Variants in MEGF10 observed in about 807,000 individuals in gnomAD.
MEGF10 encodes multiple EGF like domains 10.
Under a neutral mutation model 147.5 loss-of-function variants are expected in MEGF10, and 86 were observed. That is an observed-to-expected ratio of 0.58 (90% CI 0.49 to 0.70). The LOEUF is 0.70. Among genes scored for constraint, MEGF10 ranks in the 30% least tolerant of loss-of-function variants. The pLI is 0.00. For missense variants in MEGF10, 1,329 were observed against 1,487.3 expected, an observed-to-expected ratio of 0.89 and a Z score of 1.75; for synonymous variants, 478 against 525.5, an observed-to-expected ratio of 0.91 and a Z score of 1.24.
chr5:127,336,727 C>A (rs1053935432), intron 2 of MEGF10, among the ~76,000 whole-genome samples: 4 of 152,120 alleles, frequency 2.6e-5, no homozygotes, highest in African/African-American at 9.7e-5. Context: ...CTAGTTCCAA[C>A]AAATGAATTT....
the MEGF10 span, among the ~76,000 whole-genome samples, chr5:127,247,419 GAAGAAGAAGAAGAAGAA>G: frequency 1.2e-5 from 1 of 80,680 alleles, no homozygotes; most frequent in Non-Finnish European, 2.4e-5. Context: ...AGAAGAAGAA[GAAGAAGAAGAAGAAGAA>G]GAAGAAGAAG....
chr5:127,344,619 T>G (rs1434467834), intron 4 of MEGF10, among the ~76,000 whole-genome samples: 1 of 152,108 alleles, frequency 6.6e-6, no homozygotes, highest in Non-Finnish European at 1.5e-5. Context: ...ACTTCAAATA[T>G]TTAAATAAAA....
intron 7 of MEGF10, among the ~76,000 whole-genome samples, chr5:127,401,752 T>C (rs12233927): frequency 0.23 from 34,686 of 152,112 alleles, 4,522 homozygotes; most frequent in African/African-American, 0.37. Context: ...GAGTATTTCA[T>C]TGACTTATTG....
chr5:127,275,943 T>C, the MEGF10 span, among the ~76,000 whole-genome samples: 2 of 152,224 alleles, frequency 1.3e-5, no homozygotes. Context: ...TAGAATTCAC[T>C]TCCTATGACA....
chr5:127,357,698 G>C lies in MEGF10; in HGVS notation c.320-12212G>C, dbSNP rs556981632. On this transcript the variant is annotated intron_variant, in intron 4 of 24. Coordinates refer to ENST00000503335, the MANE Select transcript of MEGF10 (RefSeq NM_001256545.2). The stretch of plus-strand genomic sequence containing the variant: ...AGAACTTAAAATCCCTTTATTCTGT[G>C]TTCTTTTAGGACCATCACTTAGCAG... Among the ~76,000 whole-genome samples, 70 of 152,002 alleles carry C rather than the reference G, an allele frequency of 4.6e-4. 2 individuals are homozygous for C. Among genetic ancestry groups the C allele is most frequent in the South Asian group, 3.7e-3 (18 of 4,808 alleles).
chr5:127,339,143 C>T lies in MEGF10; in HGVS notation c.140C>T (p.Ser47Leu). 6.2e-7 allele frequency: 1 copy of T among 1,611,722 alleles called. No individual in the cohort carries two copies. Among genetic ancestry groups the T allele is most frequent in the Non-Finnish European group, 8.5e-7 (1 of 1,178,222 alleles). The change falls in exon 3 of 25, where the codon TCA (serine) becomes TTA (leucine). Residue 47 changes from serine (S) to leucine (L), a missense_variant. Around this residue, in one of 3 missense-constraint regions of MEGF10, gnomAD observed 980 missense variants for 1,085.9 expected, o/e 0.90. Transcript: ENST00000503335. ...WESYSVTVQE[S>L]YPHPFDQIYY... ...AGCTACTCAGTGACTGTGCAAGAGT[C>T]ATACCCACATCCCTTTGATCAAATT... is the stretch of plus-strand genomic sequence containing the variant.
At chr5:127,280,714 T>A in the MEGF10 span, among the ~76,000 whole-genome samples, 2 of 152,154 alleles carry the variant, frequency 1.3e-5, no homozygotes, top group South Asian at 2.1e-4. Flanking sequence ...TTGCTGACAG[T>A]GTTCTGTAGC....
chr5:127,308,360 C>T (rs1760108225), intron 1 of MEGF10, among the ~76,000 whole-genome samples: 1 of 152,138 alleles, frequency 6.6e-6, no homozygotes, highest in South Asian at 2.1e-4. Context: ...GTCCAGATCC[C>T]TAAGATATTC....
intron 2 of MEGF10, among the ~76,000 whole-genome samples, chr5:127,333,644 G>T (rs1176175029): frequency 6.6e-6 from 1 of 152,192 alleles, no homozygotes; most frequent in Admixed American, 6.6e-5. Flanking sequence ...AGCTGCCAAT[G>T]CATAAGTGCA....
At chr5:127,405,371 C>A (rs910078318) in intron 8 of MEGF10, among the ~76,000 whole-genome samples, 9 of 151,908 alleles carry the variant, frequency 5.9e-5, no homozygotes, top group Admixed American at 1.3e-4. Context: ...AAATTTATTT[C>A]TGAGTATTTT....
intron 1 of MEGF10, among the ~76,000 whole-genome samples, chr5:127,309,947 CTCTTTCTTTCTT>C (rs745938777): frequency 8.8e-5 from 8 of 90,396 alleles, no homozygotes; most frequent in East Asian, 8.1e-4. Context: ...TCCTTGCCAA[CTCTTTCTTTCTT>C]TCTTTCTTTC....
Position 127,410,732 on chromosome 5 carries a change from A to G in MEGF10, c.1130+131A>G, listed in dbSNP as rs1764526728. On this transcript the variant is annotated intron_variant, in intron 9 of 24. Transcript: ENST00000503335. ...CTCCTGCCTCTAGGCTACTCTGGGC[A>G]GGAATCGCCGAGTAAAAGGAAGACA... The G allele has an allele frequency of 6.5e-6, 5 of 773,388 alleles. No homozygotes were observed. In the Admixed American group the frequency reaches 1.2e-4, roughly 19 times the overall value. 47.9% of individuals were successfully genotyped at this position (773,388 alleles called of 1,614,324 possible).
At position 127,420,106 on chromosome 5, in the gene MEGF10, T is replaced by G. The variant is rs1178245603; in HGVS notation, c.1489T>G (p.Leu497Val). ...TGGCACATGGGGCTTTGGCTGTAAC[T>G]TAACATGCCAGTGCCTCAACGGGGG... ...PSGTWGFGCN[L>V]TCQCLNGGAC... Residue 497 changes from leucine (L) to valine (V), a missense_variant, in exon 12 of 25, where the codon TTA (leucine) becomes GTA (valine). Coordinates refer to ENST00000503335, the MANE Select transcript of MEGF10 (RefSeq NM_001256545.2). 6.2e-7 allele frequency: 1 copy of G among 1,614,072 alleles called. No individual in the cohort carries two copies. The highest frequency in any genetic ancestry group is 2.2e-5 in the East Asian group (1 of 44,890).
chr5:127,364,258 C>G (rs190286707), intron 4 of MEGF10, among the ~76,000 whole-genome samples: 1 of 152,192 alleles, frequency 6.6e-6, no homozygotes, highest in South Asian at 2.1e-4. Context: ...ACCCCTGTAC[C>G]TACTACCCAT....
intron 1 of MEGF10, among the ~76,000 whole-genome samples, chr5:127,328,161 G>A (rs1388248867): frequency 1.3e-5 from 2 of 152,164 alleles, no homozygotes; most frequent in Non-Finnish European, 2.9e-5. Context: ...TTTGTGAGAT[G>A]TCTTCTCTCC....
At chr5:127,353,132 A>C (rs1762147088) in intron 4 of MEGF10, among the ~76,000 whole-genome samples, 1 of 152,152 alleles carries the variant, frequency 6.6e-6, no homozygotes, top group East Asian at 1.9e-4. Context: ...ATGATCTCTG[A>C]TTTCTGGCAG....
Position 127,424,591 on chromosome 5 carries a change from G to A in MEGF10, c.1693+1819G>A, listed in dbSNP as rs1484450025. The stretch of plus-strand genomic sequence containing the variant: ...TCTTTGGTTTCTAAAGGAGTAAACT[G>A]AGATGAACTGTCATGTGCTTGATTT... On this transcript the variant is annotated intron_variant, in intron 13 of 24. Coordinates refer to ENST00000503335, the MANE Select transcript of MEGF10 (RefSeq NM_001256545.2). 1.2e-5 allele frequency: 16 copies of A among 1,357,786 alleles called. No individual in the cohort carries two copies. The East Asian group carries it at 4.6e-4, about 39-fold the overall frequency. 84.1% of individuals were successfully genotyped at this position (1,357,786 alleles called of 1,614,324 possible).
upstream of MEGF10, among the ~76,000 whole-genome samples, chr5:127,287,275 G>A (rs895081967): frequency 6.6e-6 from 1 of 151,870 alleles, no homozygotes; most frequent in African/African-American, 2.4e-5. Context: ...GTTGTACTGG[G>A]CATCCTATCC....
the MEGF10 span, among the ~76,000 whole-genome samples, chr5:127,264,194 G>A: frequency 6.6e-6 from 1 of 152,088 alleles, no homozygotes; most frequent in South Asian, 2.1e-4. Flanking sequence ...GAAAACTCAA[G>A]GATGTGGTAT....
Sources: allele counts gnomAD v4.1 joint callset (sites outside exome capture counted in the v4.1 genomes callset), GRCh38; gene constraint gnomAD v4.1.1; regional missense constraint gnomAD v4.1.1; transcripts MANE v1.5; gene names NCBI Gene and HGNC (gene_info 2026-07-23, HGNC 2026-07-21).